SGCD: variants seen among roughly 807,000 people sequenced by gnomAD.
The protein encoded by SGCD is delta-sarcoglycan.
A neutral mutation model predicts 36.6 loss-of-function variants in SGCD; 18 were observed. That is an observed-to-expected ratio of 0.49 (90% CI 0.34 to 0.73). The LOEUF is 0.73. SGCD is among the 30% of genes least tolerant of loss of function. The pLI is 0.01. For missense variants in SGCD, 387 were observed against 346.7 expected (o/e 1.12, Z -0.92); for synonymous variants, 133 against 130.6 (o/e 1.02, Z -0.12).
chr5:155,792,894 A>G, the SGCD span, among the ~76,000 whole-genome samples: 1 of 152,202 alleles, frequency 6.6e-6, no homozygotes, highest in African/African-American at 2.4e-5. Flanking sequence ...TAACAATCCT[A>G]TTACTGGGTA....
intron 7 of SGCD, among the ~76,000 whole-genome samples, chr5:156,753,201 T>C (rs1227252893): frequency 6.6e-6 from 1 of 152,180 alleles, no homozygotes; most frequent in African/African-American, 2.4e-5. Flanking sequence ...TTGAGAACCA[T>C]TCTTCTTGAA....
intron 3 of SGCD, among the ~76,000 whole-genome samples, chr5:156,361,965 A>G (rs1215984856): frequency 6.6e-6 from 1 of 152,214 alleles, no homozygotes; most frequent in Non-Finnish European, 1.5e-5. Context: ...GTAGAAGCCT[A>G]AAGGAATGAT....
rs540378947 is a variant in SGCD, at chr5:156,140,449, C to T, written c.-44+16430C>T. Among the ~76,000 whole-genome samples, 7 of 152,142 alleles carry T rather than the reference C, an allele frequency of 4.6e-5. No homozygotes were observed. In the East Asian group the frequency reaches 7.7e-4, roughly 17 times the overall value. ...CCAGTTTGATGAGGTCGTAGATGGT[C>T]GTGAGGAATATCTTATTGGAAACAG... is the stretch of plus-strand genomic sequence containing the variant. On this transcript the variant is annotated intron_variant, in intron 3 of 9. Transcript: ENST00000517913.
At chr5:156,427,262 A>G (rs556518394) in intron 3 of SGCD, among the ~76,000 whole-genome samples, 1 of 152,170 alleles carries the variant, frequency 6.6e-6, no homozygotes, top group Non-Finnish European at 1.5e-5. Flanking sequence ...CTGTCACCTC[A>G]TTGGTTAAGT....
chr5:156,276,508 A>C (rs1504932), intron 3 of SGCD, among the ~76,000 whole-genome samples: 33,394 of 152,096 alleles, frequency 0.22, 4,106 homozygotes, highest in Admixed American at 0.27. Flanking sequence ...GGAAACATTT[A>C]AAAACTGCAT....
rs77019485 is a variant in SGCD at position 156,488,095 on chromosome 5, C to T, written c.193-20506C>T. ...AAGAAAGAACTTCTGAACTTGAAGA[C>T]AGGTTTTTTTTTTTTTTTTTTTTTT... On this transcript the variant is annotated intron_variant, in intron 3 of 8. Transcript: ENST00000337851. Among the ~76,000 whole-genome samples, 1,038 of 84,344 alleles carry T rather than the reference C, an allele frequency of 0.012. 99 individuals are homozygous for T. The East Asian group carries it at 0.27, about 22-fold the overall frequency. The allele number at this position is 84,344 out of a possible 152,430, so 55.3% of individuals were successfully genotyped here.
At chr5:156,203,625 G>A (rs1281089593) in intron 3 of SGCD, among the ~76,000 whole-genome samples, 6 of 152,128 alleles carry the variant, frequency 3.9e-5, no homozygotes, top group African/African-American at 1.2e-4. Context: ...ATCATCATCT[G>A]TATTCGTGTC....
At chr5:156,406,983 AG>A (rs1211604815) in intron 3 of SGCD, among the ~76,000 whole-genome samples, 9 of 151,870 alleles carry the variant, frequency 5.9e-5, no homozygotes, top group African/African-American at 1.9e-4. Flanking sequence ...CGATGTTCAA[AG>A]GCAGGAAGCA....
chr5:155,748,292 C>T, the SGCD span, among the ~76,000 whole-genome samples: 1 of 152,028 alleles, frequency 6.6e-6, no homozygotes, highest in East Asian at 1.9e-4. Flanking sequence ...CTGATTGACT[C>T]TCTCTCTTTC....
chr5:156,633,779 C>T (rs1278655700), intron 6 of SGCD, among the ~76,000 whole-genome samples: 3 of 152,170 alleles, frequency 2.0e-5, no homozygotes, highest in Admixed American at 1.3e-4. Context: ...ATTGACAAAG[C>T]GTACATGGTG....
At chr5:156,206,262 T>C (rs1298389959) in intron 3 of SGCD, among the ~76,000 whole-genome samples, 2 of 151,952 alleles carry the variant, frequency 1.3e-5, no homozygotes, top group Non-Finnish European at 2.9e-5. Context: ...CAACCAGTCT[T>C]CTGTGGCTTG....
At chr5:156,458,356 A>G (rs1754344332) in intron 3 of SGCD, 1 of 1,245,962 alleles carries the variant, frequency 8.0e-7, no homozygotes, top group Non-Finnish European at 1.2e-6. Flanking sequence ...TTGGGGGATT[A>G]CTTTTCTGAT....
intron 3 of SGCD, among the ~76,000 whole-genome samples, chr5:156,141,178 A>G (rs1581124650): frequency 1.3e-5 from 2 of 152,176 alleles, no homozygotes; most frequent in East Asian, 3.9e-4. Flanking sequence ...CTAAATTTCA[A>G]AGGATGCCTT....
intron 6 of SGCD, among the ~76,000 whole-genome samples, chr5:156,607,619 TG>T (rs1305239653): frequency 6.6e-6 from 1 of 152,230 alleles, no homozygotes; most frequent in East Asian, 1.9e-4. Context: ...TCAGAAGGAA[TG>T]GTACCAGCTC....
chr5:156,106,146 A>C (rs1287114371), intron 1 of SGCD, among the ~76,000 whole-genome samples: 4 of 146,392 alleles, frequency 2.7e-5, no homozygotes, highest in Non-Finnish European at 6.0e-5. Flanking sequence ...AAAAGAAAGC[A>C]GGAGAATAAT....
At chr5:156,116,970 C>T (rs548534286) in intron 1 of SGCD, among the ~76,000 whole-genome samples, 1 of 152,182 alleles carries the variant, frequency 6.6e-6, no homozygotes, top group African/African-American at 2.4e-5. Context: ...GTTTACTCAA[C>T]ACATCAGTGT....
chr5:156,676,295 G>T (rs994755141), intron 7 of SGCD, among the ~76,000 whole-genome samples: 3 of 152,124 alleles, frequency 2.0e-5, no homozygotes, highest in Non-Finnish European at 2.9e-5. Context: ...GTTCCTGCCT[G>T]CAACCTGTTG....
chr5:156,483,843 C>T (rs1487107894), intron 3 of SGCD, among the ~76,000 whole-genome samples: 1 of 152,186 alleles, frequency 6.6e-6, no homozygotes, highest in African/African-American at 2.4e-5. Flanking sequence ...AACATTCTTA[C>T]CAACTTTGAG....
chr5:156,061,004 C>T lies in SGCD; in HGVS notation c.-281-56874C>T, dbSNP rs565722634. ...CCTCTGTCTTTTCTCTGTGTCTGGA[C>T]TCTCACAAAAATTGATTTAAAAATC... On this transcript the variant is annotated intron_variant, in intron 1 of 9. Coordinates refer to the SGCD transcript ENST00000517913. Among the ~76,000 whole-genome samples, 6 of 144,972 alleles carry T rather than the reference C, an allele frequency of 4.1e-5. No individual in the cohort carries two copies. In the East Asian group the frequency reaches 9.7e-4, roughly 23 times the overall value.
Sources: allele counts gnomAD v4.1 joint callset (sites outside exome capture counted in the v4.1 genomes callset), GRCh38; gene constraint gnomAD v4.1.1; transcripts MANE v1.5; gene names NCBI Gene and HGNC (gene_info 2026-07-23, HGNC 2026-07-21).